FGD4: variants seen among roughly 807,000 people sequenced by gnomAD.
FGD4 encodes FYVE, RhoGEF and PH domain containing 4, also known as FYVE, RhoGEF and PH domain-containing protein 4.
FGD4 carries 42 observed loss-of-function variants against 102.0 expected under a neutral mutation model. That is an observed-to-expected ratio of 0.41 (90% CI 0.32 to 0.53). The LOEUF (loss-of-function observed/expected upper bound fraction) is 0.53, where lower values mean the gene tolerates loss of function less well. FGD4 is among the 20% of genes least tolerant of loss of function. The pLI is 0.21. For synonymous variants in FGD4, 380 were observed against 375.7 expected (o/e 1.01, Z -0.13); for missense variants, 902 against 1,078.2 (o/e 0.84, Z 2.29).
At position 32,400,022 on chromosome 12, in the gene FGD4, C is replaced by T. The variant is rs931834437; in HGVS notation, c.166+63C>T. ...CGCGTAGGTGCGGGTGAGGGGCGCT[C>T]CCAGCGCCCTGCAGGTGCGCCCTCT... On this transcript the variant is annotated intron_variant, in intron 1 of 16. Coordinates refer to ENST00000534526, the MANE Select transcript of FGD4 (RefSeq NM_001370298.3). The T allele has an allele frequency of 1.5e-5, 21 of 1,403,512 alleles. 1 individual carries two copies. The African/African-American group carries it at 2.3e-4, about 15-fold the overall frequency. The allele number at this position is 1,403,512 out of a possible 1,614,324, so 86.9% of individuals were successfully genotyped here.
At chr12:32,583,658 C>A (rs1946788511) in intron 4 of FGD4, among the ~76,000 whole-genome samples, 1 of 152,134 alleles carries the variant, frequency 6.6e-6, no homozygotes, top group African/African-American at 2.4e-5. Flanking sequence ...CTCATATGCA[C>A]AATGTCAGCT....
At chr12:32,602,500 A>G (rs894666039) in intron 7 of FGD4, among the ~76,000 whole-genome samples, 183 bp downstream of exon 7, 1 of 152,206 alleles carries the variant, frequency 6.6e-6, no homozygotes, top group Non-Finnish European at 1.5e-5. Context: ...GCTGCATACT[A>G]AGCAATAACT....
intron 1 of FGD4, among the ~76,000 whole-genome samples, chr12:32,456,894 A>G (rs1049136162): frequency 3.3e-5 from 5 of 152,202 alleles, no homozygotes; most frequent in African/African-American, 1.2e-4. Flanking sequence ...TTTGAAACAT[A>G]AAGGTCTTCA....
Position 32,587,187 on chromosome 12 carries a change from CAAA to C in FGD4, c.1011+4743_1011+4745del, listed in dbSNP as rs1181469038. On this transcript the variant is annotated intron_variant, in intron 4 of 16. Transcript: ENST00000534526. ...CCTGGATGACAGGGTGAGACTCTCT[CAAA>C]AAAAAAAAAAAAAAAAAAAAAATTC... 3.2e-4 allele frequency among the ~76,000 whole-genome samples: 21 copies of C among 66,140 alleles called. No homozygotes were observed. In the South Asian group the frequency reaches 4.2e-3, roughly 13 times the overall value. 43.4% of individuals were successfully genotyped at this position (66,140 alleles called of 152,430 possible).
At chr12:32,517,011 G>T (rs1000370037) in intron 1 of FGD4, among the ~76,000 whole-genome samples, 2 of 152,120 alleles carry the variant, frequency 1.3e-5, no homozygotes, top group Non-Finnish European at 2.9e-5. Flanking sequence ...TAGTTAGTGG[G>T]TACCCAAAAA....
chr12:32,535,234 C>G (rs183727242), intron 1 of FGD4, among the ~76,000 whole-genome samples: 1 of 152,150 alleles, frequency 6.6e-6, no homozygotes, highest in Non-Finnish European at 1.5e-5. Context: ...TCGTTTTTGA[C>G]TGGATATAAG....
chr12:32,497,946 C>T (rs543313061), intron 1 of FGD4, among the ~76,000 whole-genome samples: 22 of 152,294 alleles, frequency 1.4e-4, no homozygotes, highest in South Asian at 6.2e-4. Flanking sequence ...TCTCCTCTAA[C>T]GTTTATTCTC....
intron 14 of FGD4, 85 bp downstream of exon 14, chr12:32,625,864 A>G: frequency 6.4e-7 from 1 of 1,566,026 alleles, no homozygotes; most frequent in Non-Finnish European, 8.8e-7. Context: ...CAAAAAAATG[A>G]CTTTCAACAA....
Position 32,558,380 on chromosome 12 carries a change from C to A in FGD4, c.167-5757C>A, listed in dbSNP as rs928779287. 5.9e-5 allele frequency among the ~76,000 whole-genome samples: 9 copies of A among 152,276 alleles called. No individual in the cohort carries two copies. In the South Asian group the frequency reaches 6.2e-4, roughly 11 times the overall value. ...AGAGATGCTTGTCCCAAAGGGTGGA[C>A]CCCATTGAGATCTCCTGGGCTAGAG... On this transcript the variant is annotated intron_variant, in intron 1 of 16. Coordinates refer to ENST00000534526, the MANE Select transcript of FGD4 (RefSeq NM_001370298.3).
At position 32,640,398 on chromosome 12, in the gene FGD4, A is replaced by G; in HGVS notation, c.2577A>G (p.Ala859=). The change falls in exon 17 of 17, where the codon GCA becomes GCG. Residue 859 remains alanine, a synonymous_variant. Coordinates refer to ENST00000534526, the MANE Select transcript of FGD4 (RefSeq NM_001370298.3). ...CTAAGTCCGTGCACAGCTTTGCTGC[A>G]GACAGTGAGGAACTGAAGCAGAAGT... ...TQSKSVHSFA[A]DSEELKQKWL... is the part of the protein sequence containing the mutation. The G allele has an allele frequency of 6.2e-7, 1 of 1,614,218 alleles. No individual in the cohort carries two copies. Among genetic ancestry groups the G allele is most frequent in the Non-Finnish European group, 8.5e-7 (1 of 1,180,034 alleles).
At chr12:32,563,021 G>C (rs1445558848) in intron 1 of FGD4, among the ~76,000 whole-genome samples, 2 of 150,756 alleles carry the variant, frequency 1.3e-5, no homozygotes, top group Non-Finnish European at 3.0e-5. Context: ...CTCCCGGACG[G>C]GGCGGCTGGC....
At chr12:32,453,130 T>A (rs1387230907) in intron 1 of FGD4, among the ~76,000 whole-genome samples, 2 of 148,966 alleles carry the variant, frequency 1.3e-5, no homozygotes, top group African/African-American at 4.9e-5. Flanking sequence ...CAAATAGTTT[T>A]ATGTAATAAA....
intron 1 of FGD4, among the ~76,000 whole-genome samples, chr12:32,492,364 C>T (rs2136582763): frequency 6.6e-6 from 1 of 152,310 alleles, no homozygotes; most frequent in East Asian, 1.9e-4. Flanking sequence ...CTGTCAAAAT[C>T]ATTTCATAAA....
At chr12:32,447,689 T>G (rs982798157) in intron 1 of FGD4, among the ~76,000 whole-genome samples, 2 of 152,250 alleles carry the variant, frequency 1.3e-5, no homozygotes, top group Admixed American at 6.5e-5. Context: ...AGATCACTTA[T>G]GCTGAATGAC....
intron 2 of FGD4, among the ~76,000 whole-genome samples, chr12:32,571,037 G>A (rs939390247): frequency 2.6e-5 from 4 of 152,166 alleles, no homozygotes; most frequent in African/African-American, 7.2e-5. Flanking sequence ...GGGTTCTTTC[G>A]TGTGTTTTTA....
chr12:32,569,201 T>C (rs905369013), intron 2 of FGD4, among the ~76,000 whole-genome samples: 3 of 152,198 alleles, frequency 2.0e-5, no homozygotes, highest in Non-Finnish European at 4.4e-5. Context: ...ATCTCTTGCC[T>C]GAATTTCTAT....
At chr12:32,517,535 A>T (rs1940021222) in intron 1 of FGD4, among the ~76,000 whole-genome samples, 1 of 152,176 alleles carries the variant, frequency 6.6e-6, no homozygotes, top group African/African-American at 2.4e-5. Flanking sequence ...ATCATAGTTG[A>T]TGTCCCAGAA....
chr12:32,482,746 G>C (rs1943799484), intron 1 of FGD4, among the ~76,000 whole-genome samples: 1 of 152,116 alleles, frequency 6.6e-6, no homozygotes, highest in Admixed American at 6.5e-5. Flanking sequence ...AGAAAACGAA[G>C]ACATAGGGTA....
intron 1 of FGD4, among the ~76,000 whole-genome samples, chr12:32,458,764 G>A (rs1016353727): frequency 2.0e-5 from 3 of 152,138 alleles, no homozygotes; most frequent in African/African-American, 7.2e-5. Flanking sequence ...GTATTCTGTG[G>A]CTTATAACTT....
Sources: gnomAD v4.1 joint callset for allele counts (sites outside exome capture counted in the v4.1 genomes callset) on GRCh38, gnomAD v4.1.1 for gene constraint, MANE v1.5 for transcripts, NCBI Gene and HGNC (gene_info 2026-07-23, HGNC 2026-07-21) for gene names.